RABL6: variants seen among roughly 807,000 people sequenced by gnomAD.
RABL6 encodes the protein RAB, member RAS oncogene family like 6.
A neutral mutation model predicts 72.9 loss-of-function variants in RABL6; 28 were observed. That is an observed-to-expected ratio of 0.38 (90% CI 0.28 to 0.53). The LOEUF is 0.53. RABL6 is among the 20% of genes least tolerant of loss of function. RABL6 has a pLI of 0.80. For synonymous variants in RABL6, 477 were observed against 421.2 expected, an observed-to-expected ratio of 1.13 and a Z score of -1.62; for missense variants, 1,029 against 1,008.4, an observed-to-expected ratio of 1.02 and a Z score of -0.28.
Position 136,839,583 on chromosome 9 carries a change from A to G in RABL6, c.1758+97A>G, listed in dbSNP as rs914416622. The stretch of plus-strand genomic sequence containing the variant: ...GGTGCAGTGGGAGGAGGCTTCTGGA[A>G]GAGGCATCTCATGTCCCCACACTTG... On this transcript the variant is annotated intron_variant, in intron 12 of 14. Coordinates refer to ENST00000311502, the MANE Select transcript of RABL6 (RefSeq NM_024718.5). 32 of 1,551,206 alleles carry G rather than the reference A, an allele frequency of 2.1e-5. No individual in the cohort carries two copies. In the Admixed American group the frequency reaches 5.2e-4, roughly 25 times the overall value.
At chr9:136,838,365 G>C (rs189164309) in intron 10 of RABL6, among the ~76,000 whole-genome samples, 1 of 152,206 alleles carries the variant, frequency 6.6e-6, no homozygotes, top group Non-Finnish European at 1.5e-5. Flanking sequence ...CAGGATCCAG[G>C]TGCTGCAGAG....
chr9:136,816,716 CA>C lies in RABL6; in HGVS notation c.131-6801del, dbSNP rs1377853953. ...TGGGTGACAGAGTGAGACTCTGTCT[CA>C]AAAAAAAGGGGGGGGGGGTAATTTT... On this transcript the variant is annotated intron_variant, in intron 1 of 14. Coordinates refer to ENST00000311502, the MANE Select transcript of RABL6 (RefSeq NM_024718.5). Among the ~76,000 whole-genome samples the C allele has an allele frequency of 3.2e-4, 27 of 85,614 alleles. No homozygotes were observed. In the East Asian group the frequency reaches 5.7e-3, roughly 18 times the overall value. The allele number at this position is 85,614 out of a possible 152,430, so 56.2% of individuals were successfully genotyped here. A position where few individuals can be genotyped will look rare whatever the true frequency, so the allele number is the denominator to read the frequency against.
intron 1 of RABL6, chr9:136,821,557 C>CT: frequency 1.0e-6 from 1 of 985,402 alleles, no homozygotes; most frequent in Non-Finnish European, 1.2e-6. Flanking sequence ...TGCTGCTCAT[C>CT]TGGGGGGGAC....
chr9:136,826,304 G>A lies in RABL6; in HGVS notation c.313+478G>A, dbSNP rs750999918. Among the ~76,000 whole-genome samples, 1 of 152,142 alleles carries A rather than the reference G, an allele frequency of 6.6e-6. No individual in the cohort carries two copies. Among genetic ancestry groups the A allele is most frequent in the Non-Finnish European group, 1.5e-5 (1 of 68,010 alleles). ...CAGCCCCCGGGGTGTCCTCGACATC[G>A]TTGGTCTCCTCCTCAGCCACAAGGT... On this transcript the variant is annotated intron_variant, in intron 3 of 14. Coordinates refer to ENST00000311502, the MANE Select transcript of RABL6 (RefSeq NM_024718.5). This position sits in a 1 kb window ranked among gnomAD's most constrained non-coding sequence, Gnocchi z 4.9.
intron 5 of RABL6, 110 bp downstream of exon 5, chr9:136,829,594 C>G: frequency 2.0e-6 from 2 of 1,001,086 alleles, no homozygotes; most frequent in Admixed American, 2.0e-5. Context: ...TCTGCAGGAC[C>G]GAGGGACTCT....
Position 136,840,445 on chromosome 9 carries a change from G to C in RABL6, c.2113G>C (p.Asp705His), listed in dbSNP as rs765855307. 15 of 1,547,276 alleles carry C rather than the reference G, an allele frequency of 9.7e-6. No individual in the cohort carries two copies. The highest frequency in any genetic ancestry group is 1.2e-5 in the Non-Finnish European group (14 of 1,145,996). ...PPRSRERTAA[D>H]ELEAFLGGGA... ...GCGCAGCAGGGAGAGGACGGCTGCC[G>C]ATGAGCTGGAGGCTTTCCTGGGGGG... Residue 705 changes from aspartate to histidine, a missense_variant, in exon 15 of 15, where the codon GAT becomes CAT. By Grantham distance (81) the Asp-to-His change is moderately conservative. This residue lies in a region of RABL6 where 595 missense variants were observed against 472.4 expected (regional missense o/e 1.26). Transcript: ENST00000311502.
intron 1 of RABL6, chr9:136,813,503 C>G (rs1033682751): frequency 2.2e-6 from 1 of 449,612 alleles, no homozygotes; most frequent in African/African-American, 2.0e-5. Flanking sequence ...TCTCTGTTCC[C>G]TGCGTTTCTT....
chr9:136,834,593 C>T (rs372809447), intron 7 of RABL6: 3 of 539,522 alleles, frequency 5.6e-6, no homozygotes, highest in Non-Finnish European at 2.4e-6. Flanking sequence ...ATTCTCCTGC[C>T]TAAGCCTCCC....
At chr9:136,816,716 CAA>C (rs1377853953) in intron 1 of RABL6, among the ~76,000 whole-genome samples, 1 of 85,582 alleles carries the variant, frequency 1.2e-5, no homozygotes, top group Non-Finnish European at 2.3e-5. Context: ...GACTCTGTCT[CAA>C]AAAAAAGGGG....
chr9:136,808,808 A>G (rs1339113861), intron 1 of RABL6: 1 of 150,808 alleles, frequency 6.6e-6, no homozygotes, highest in Non-Finnish European at 1.5e-5. Flanking sequence ...GAGTTTGAAG[A>G]CAGAATATTA....
At chr9:136,816,345 T>G (rs575346702) in intron 1 of RABL6, among the ~76,000 whole-genome samples, 1 of 151,596 alleles carries the variant, frequency 6.6e-6, no homozygotes, top group African/African-American at 2.4e-5. Context: ...GCCCAAGCGA[T>G]CCATCTGCCT....
Position 136,837,681 on chromosome 9 carries a change from C to T in RABL6, c.1126+19C>T, listed in dbSNP as rs752406301. On this transcript the variant is annotated intron_variant, in intron 9 of 14. Coordinates refer to ENST00000311502, the MANE Select transcript of RABL6 (RefSeq NM_024718.5). ...CCTCCAGGTAGGCCCTGGAGCTGCCCCTCCCAAACTGGTCCCAGACCCCCA... is the reference window on the plus strand; with the variant it reads ...CCTCCAGGTAGGCCCTGGAGCTGCCTCTCCCAAACTGGTCCCAGACCCCCA... 43 of 1,563,322 alleles carry T rather than the reference C, an allele frequency of 2.8e-5. 1 individual carries two copies. The South Asian group carries it at 4.9e-4, about 18-fold the overall frequency.
At position 136,837,844 on chromosome 9, in the gene RABL6, C is replaced by G. The variant is rs748430256; in HGVS notation, c.1127-18C>G. 1 of 1,547,344 alleles carries G rather than the reference C, an allele frequency of 6.5e-7. No homozygotes were observed. The highest frequency in any genetic ancestry group is 8.7e-7 in the Non-Finnish European group (1 of 1,145,918). On this transcript the variant is annotated intron_variant, in intron 9 of 14. Transcript: ENST00000311502. ...GTTCTGGTGCCGAGTGAAGAGGACC[C>G]GGCATCACTGTTCACAGAGCCAGTC...
At chr9:136,823,478 G>T in intron 1 of RABL6, 47 bp from the exon 2 acceptor site, 1 of 1,608,680 alleles carries the variant, frequency 6.2e-7, no homozygotes, top group African/African-American at 1.3e-5. Context: ...TGCAGCTTGG[G>T]TTCGGTTCGT....
Position 136,837,450 on chromosome 9 carries a change from G to A in RABL6, c.914G>A (p.Gly305Asp). Residue 305 changes from glycine to aspartate, a missense_variant, in exon 9 of 15, where the codon GGC (glycine) becomes GAC (aspartate). Transcript: ENST00000311502. ...PGSQSPVVPA[G>D]AVSTGSSSPG... ...TCCCAGTCACCAGTGGTGCCTGCAG[G>A]CGCTGTGTCCACGGGGAGCTCCAGC... 2.6e-6 allele frequency: 4 copies of A among 1,568,134 alleles called. No individual in the cohort carries two copies. The highest frequency in any genetic ancestry group is 2.6e-6 in the Non-Finnish European group (3 of 1,159,226).
chr9:136,833,799 ACTG>A, intron 7 of RABL6: 6 of 1,550,512 alleles, frequency 3.9e-6, no homozygotes, highest in Non-Finnish European at 5.2e-6. Flanking sequence ...GCAGGCTGGG[ACTG>A]CTGCTGGGGA....
intron 1 of RABL6, chr9:136,814,928 T>A (rs1264088098): frequency 6.1e-6 from 1 of 164,578 alleles, no homozygotes; most frequent in Non-Finnish European, 1.3e-5. Flanking sequence ...ACCCTCGTCC[T>A]TGTCCTCATC....
At chr9:136,829,584 TCTG>T (rs1401163472) in intron 5 of RABL6, 100 bp downstream of exon 5, 6 of 1,086,560 alleles carry the variant, frequency 5.5e-6, no homozygotes, top group Admixed American at 2.0e-5. Flanking sequence ...GCAGCATCGT[TCTG>T]CAGGACCGAG....
chr9:136,831,210 G>A (rs2131191423), intron 5 of RABL6, among the ~76,000 whole-genome samples: 1 of 152,294 alleles, frequency 6.6e-6, no homozygotes, highest in Middle Eastern at 3.4e-3. Context: ...GCAGACTCTG[G>A]AGACTTGCCG....
Sources: gnomAD v4.1 joint callset for allele counts (sites outside exome capture counted in the v4.1 genomes callset) on GRCh38, gnomAD v4.1.1 for gene constraint, gnomAD v4.1.1 regional missense constraint, Gnocchi (gnomAD v3.1) non-coding constraint, MANE v1.5 for transcripts, NCBI Gene and HGNC (gene_info 2026-07-23, HGNC 2026-07-21) for gene names.